Variants in KAZN observed in about 807,000 individuals in gnomAD.
KAZN encodes the protein kazrin, periplakin interacting protein.
A neutral mutation model predicts 87.4 loss-of-function variants in KAZN; 40 were observed. The ratio of observed to expected loss-of-function variants is 0.46; its 90% CI spans 0.36 to 0.60. KAZN has a LOEUF of 0.60. Ranked by LOEUF, KAZN falls within the 20% of genes least tolerant of loss-of-function variation. The pLI is 0.00. For missense variants in KAZN, 898 were observed against 1,073.9 expected, an observed-to-expected ratio of 0.84 and a Z score of 2.29; for synonymous variants, 466 against 458.3, an observed-to-expected ratio of 1.02 and a Z score of -0.22.
In KAZN at chr1:14,146,450, T is replaced by C. The variant is rs12741887; in HGVS notation, c.92-33985T>C. On this transcript the variant is annotated intron_variant, in intron 1 of 16. Transcript: ENST00000636203. ...ACTCGGGAGGCTGAGGCAGGAGAAT[T>C]GTTTGAACCTGGGAGACGGAAGTTG... 8.3e-3 allele frequency among the ~76,000 whole-genome samples: 1,235 copies of C among 149,302 alleles called. 13 individuals are homozygous for C. Among genetic ancestry groups the C allele is most frequent in the African/African-American group, 0.028 (1,145 of 40,602 alleles).
At chr1:14,803,608 C>T (rs1482401697) in intron 1 of KAZN, among the ~76,000 whole-genome samples, 2 of 152,228 alleles carry the variant, frequency 1.3e-5, no homozygotes, top group African/African-American at 2.4e-5. Flanking sequence ...GCCCCAGCTC[C>T]GTCTCTCCAA....
At chr1:14,486,698 T>C (rs1669367827) in intron 2 of KAZN, among the ~76,000 whole-genome samples, 1 of 152,122 alleles carries the variant, frequency 6.6e-6, no homozygotes, top group Non-Finnish European at 1.5e-5. Context: ...TTTAACTAGG[T>C]AATAAGAGTT....
intron 1 of KAZN, among the ~76,000 whole-genome samples, chr1:14,847,501 C>T (rs182106725): frequency 1.1e-4 from 16 of 152,326 alleles, no homozygotes; most frequent in African/African-American, 3.6e-4. Flanking sequence ...CTCCATAGTC[C>T]AATCCTTGCC....
chr1:13,979,762 A>G (rs1019500596), intron 1 of KAZN, among the ~76,000 whole-genome samples: 3 of 152,036 alleles, frequency 2.0e-5, no homozygotes, highest in African/African-American at 7.2e-5. Context: ...CCCCGTCTCT[A>G]CTAAAAAATA....
intron 1 of KAZN, among the ~76,000 whole-genome samples, chr1:13,894,834 G>C (rs971450812): frequency 6.6e-6 from 1 of 152,194 alleles, no homozygotes; most frequent in Non-Finnish European, 1.5e-5. Flanking sequence ...GAGGAGCACA[G>C]CTTGGTGGAG....
At chr1:14,700,684 C>T (rs1247579061) in intron 1 of KAZN, among the ~76,000 whole-genome samples, 2 of 152,044 alleles carry the variant, frequency 1.3e-5, no homozygotes, top group Admixed American at 6.6e-5. Flanking sequence ...ATGCCTCTCT[C>T]GTGTCTAAAA....
intron 2 of KAZN, among the ~76,000 whole-genome samples, chr1:14,257,866 C>T (rs1389492442): frequency 8.0e-5 from 11 of 137,850 alleles, no homozygotes; most frequent in South Asian, 2.4e-4. Flanking sequence ...GTGGGTGCAG[C>T]GCACCAGCAT....
chr1:14,710,105 A>G (rs938346865), intron 1 of KAZN, among the ~76,000 whole-genome samples: 3 of 152,224 alleles, frequency 2.0e-5, no homozygotes, highest in Non-Finnish European at 2.9e-5. Context: ...GGTGGAATTC[A>G]TATTCAAGAG....
intron 2 of KAZN, among the ~76,000 whole-genome samples, chr1:14,550,731 C>A (rs1673452411): frequency 4.7e-5 from 4 of 85,818 alleles, no homozygotes; most frequent in African/African-American, 1.1e-4. Context: ...CTCTCTCTCT[C>A]TCTCTCTCCC....
chr1:14,616,729 C>A (rs1324705541), intron 1 of KAZN, among the ~76,000 whole-genome samples: 1 of 152,208 alleles, frequency 6.6e-6, no homozygotes, highest in Non-Finnish European at 1.5e-5. Context: ...GAGCTGCGAT[C>A]TCAGGGTTGC....
At chr1:14,202,620 G>A (rs1315498208) in intron 2 of KAZN, among the ~76,000 whole-genome samples, 2 of 152,140 alleles carry the variant, frequency 1.3e-5, no homozygotes, top group African/African-American at 4.8e-5. Flanking sequence ...TCTACAAGAT[G>A]GGAACATTAT....
chr1:14,133,409 G>GA lies in KAZN; in HGVS notation c.92-47023dup, dbSNP rs1378210446. 1.6e-4 allele frequency among the ~76,000 whole-genome samples: 5 copies of GA among 31,884 alleles called. 1 individual carries two copies. The highest frequency in any genetic ancestry group is 2.5e-4 in the Non-Finnish European group (5 of 20,056). The allele number at this position is 31,884 out of a possible 152,430, so 20.9% of individuals were successfully genotyped here. A position where few individuals can be genotyped will look rare whatever the true frequency, so the allele number is the denominator to read the frequency against. Reference sequence around the variant, plus strand: ...AGAAAGAAAGAAAGAAAGAAAGAAAGAAAGAAAGAAAGAAAGAAAGAAAGA... The same window carrying GA: ...AGAAAGAAAGAAAGAAAGAAAGAAAGAAAAGAAAGAAAGAAAGAAAGAAAGA... On this transcript the variant is annotated intron_variant, in intron 1 of 16. Coordinates refer to the KAZN transcript ENST00000636203.
intron 2 of KAZN, among the ~76,000 whole-genome samples, chr1:14,393,098 T>C (rs1662594512): frequency 6.6e-6 from 1 of 152,214 alleles, no homozygotes; most frequent in Admixed American, 6.5e-5. Flanking sequence ...TGTTTGTTTT[T>C]AAGGTTCCAC....
intron 1 of KAZN, among the ~76,000 whole-genome samples, chr1:14,841,187 G>T (rs1443662849): frequency 6.6e-6 from 1 of 151,866 alleles, no homozygotes; most frequent in African/African-American, 2.4e-5. Context: ...GGAGGCCAAG[G>T]CGGGTGGATC....
chr1:14,493,227 T>G (rs1477872780), intron 2 of KAZN, among the ~76,000 whole-genome samples: 1 of 152,204 alleles, frequency 6.6e-6, no homozygotes, highest in Non-Finnish European at 1.5e-5. Context: ...TTGCCTATTG[T>G]CTTCTCAATC....
chr1:14,249,106 T>C (rs1649777210), intron 2 of KAZN, among the ~76,000 whole-genome samples: 1 of 152,198 alleles, frequency 6.6e-6, no homozygotes, highest in Non-Finnish European at 1.5e-5. Context: ...CCTGACATAA[T>C]GAAGCAGAGA....
chr1:14,906,157 C>T lies in KAZN; in HGVS notation c.227-54527C>T, dbSNP rs1359534373. Among the ~76,000 whole-genome samples, 5 of 149,668 alleles carry T rather than the reference C, an allele frequency of 3.3e-5. No individual in the cohort carries two copies. In the Admixed American group the frequency reaches 3.4e-4, roughly 10 times the overall value. ...ACTCCAACCTGGCCACAGATCGAGA[C>T]TCCATCTCAAAAAATATATTATAAT... On this transcript the variant is annotated intron_variant, in intron 1 of 14. Transcript: ENST00000376030.
chr1:14,142,159 C>T (rs1645255090), intron 1 of KAZN, among the ~76,000 whole-genome samples: 1 of 138,516 alleles, frequency 7.2e-6, no homozygotes, highest in Admixed American at 7.8e-5. Flanking sequence ...GGTAGGTTTA[C>T]AGGCTGAACC....
chr1:14,727,956 T>A (rs28882121), intron 1 of KAZN, among the ~76,000 whole-genome samples: 1 of 151,632 alleles, frequency 6.6e-6, no homozygotes, highest in Non-Finnish European at 1.5e-5. Flanking sequence ...AGATCCCTCA[T>A]ATGCGCAGTT....
Sources: allele counts gnomAD v4.1 joint callset (sites outside exome capture counted in the v4.1 genomes callset), GRCh38; gene constraint gnomAD v4.1.1; transcripts MANE v1.5; gene names NCBI Gene and HGNC (gene_info 2026-07-23, HGNC 2026-07-21).